The following LAMA2 variants were observed in gnomAD, a reference collection of about 807,000 sequenced individuals.
LAMA2 encodes the protein laminin subunit alpha-2.
LAMA2 carries 269 observed loss-of-function variants against 364.8 expected under a neutral mutation model. The ratio of observed to expected loss-of-function variants is 0.74; its 90% CI spans 0.67 to 0.82. The LOEUF (loss-of-function observed/expected upper bound fraction) is 0.82. LAMA2 is among the 40% of genes least tolerant of loss of function. The pLI is 0.00. For synonymous variants in LAMA2, 1,379 were observed against 1,370.6 expected (o/e 1.01, Z -0.14); for missense variants, 3,807 against 3,873.2 (o/e 0.98, Z 0.45).
intron 1 of LAMA2, among the ~76,000 whole-genome samples, chr6:129,039,344 C>G (rs966140009): frequency 6.6e-6 from 1 of 152,068 alleles, no homozygotes; most frequent in African/African-American, 2.4e-5. Context: ...TTCAAAATGC[C>G]TGCTATATTT....
At chr6:129,215,528 C>T (rs1273387295) in intron 12 of LAMA2, among the ~76,000 whole-genome samples, 1 of 152,000 alleles carries the variant, frequency 6.6e-6, no homozygotes, top group Admixed American at 6.6e-5. Flanking sequence ...AAGCCCAGCT[C>T]ATATCTATTT....
In LAMA2 at chr6:129,383,211, G is replaced by A; in HGVS notation, c.5049G>A (p.Lys1683=). The change falls in exon 35 of 65, where the codon AAG becomes AAA. Residue 1683 remains lysine (K), a synonymous_variant. Transcript: ENST00000421865. ...CAAAGTCCCTGGGAGAATTCATTAA[G>A]GAGCTTGCCCGGGATGCAGAAGGTA... ...TRAKSLGEFI[K]ELARDAEAVN... 2.5e-6 allele frequency: 4 copies of A among 1,613,372 alleles called. No homozygotes were observed. The highest frequency in any genetic ancestry group is 3.4e-6 in the Non-Finnish European group (4 of 1,179,618).
intron 17 of LAMA2, among the ~76,000 whole-genome samples, chr6:129,272,125 C>G (rs1229901348): frequency 6.6e-6 from 1 of 152,136 alleles, no homozygotes; most frequent in Admixed American, 6.6e-5. Flanking sequence ...AGGCCAAACA[C>G]TGTATTTGGT....
intron 12 of LAMA2, among the ~76,000 whole-genome samples, chr6:129,201,247 C>G (rs1052998442): frequency 6.6e-6 from 1 of 152,100 alleles, no homozygotes; most frequent in African/African-American, 2.4e-5. Context: ...CCAAACACAG[C>G]CTGGCCTTGC....
chr6:129,306,876 A>G (rs1243460821), intron 22 of LAMA2, among the ~76,000 whole-genome samples: 1 of 152,082 alleles, frequency 6.6e-6, no homozygotes, highest in African/African-American at 2.4e-5. Flanking sequence ...TATAATGTTT[A>G]TAAACATTAG....
chr6:129,290,689 C>T (rs1163041155), intron 19 of LAMA2, among the ~76,000 whole-genome samples: 1 of 151,956 alleles, frequency 6.6e-6, no homozygotes, highest in East Asian at 1.9e-4. Flanking sequence ...ATTATATGTA[C>T]CATTAAAAAT....
intron 1 of LAMA2, among the ~76,000 whole-genome samples, chr6:129,005,925 T>G (rs1019231121): frequency 1.3e-5 from 2 of 151,872 alleles, no homozygotes; most frequent in Non-Finnish European, 2.9e-5. Context: ...GTTTGGGTAA[T>G]TAATATTTTG....
At chr6:129,040,610 C>T (rs956084860) in intron 1 of LAMA2, among the ~76,000 whole-genome samples, 9 of 152,184 alleles carry the variant, frequency 5.9e-5, no homozygotes, top group Middle Eastern at 6.8e-3. Flanking sequence ...GCCTGGGCAA[C>T]AAGAGTGAGA....
intron 20 of LAMA2, among the ~76,000 whole-genome samples, chr6:129,297,209 A>G (rs1773239016): frequency 1.3e-5 from 2 of 152,218 alleles, no homozygotes; most frequent in South Asian, 2.1e-4. Context: ...ACAAAATTCT[A>G]TCAAATATTA....
chr6:128,883,483 G>A (rs1582593733), intron 1 of LAMA2, 126 bp downstream of exon 1: 8 of 1,470,398 alleles, frequency 5.4e-6, no homozygotes, highest in Non-Finnish European at 7.4e-6. Context: ...AGTGCGCTCT[G>A]GGGCAAGAGG....
intron 1 of LAMA2, among the ~76,000 whole-genome samples, chr6:128,988,076 G>A (rs1396179243): frequency 6.6e-6 from 1 of 152,138 alleles, no homozygotes; most frequent in Non-Finnish European, 1.5e-5. Flanking sequence ...ATGTTGGCCA[G>A]GCTGGTCTCG....
intron 1 of LAMA2, among the ~76,000 whole-genome samples, chr6:128,987,126 G>GT (rs377549921): frequency 0.019 from 2,291 of 120,570 alleles, 23 homozygotes; most frequent in African/African-American, 0.033. Flanking sequence ...AGGATAGTTT[G>GT]TTTTTTTTTT....
intron 41 of LAMA2, among the ~76,000 whole-genome samples, chr6:129,432,225 A>C (rs1247916646): frequency 2.6e-5 from 4 of 152,224 alleles, no homozygotes; most frequent in Non-Finnish European, 2.9e-5. Context: ...TCCCTCATAC[A>C]AAGTTTTGAT....
intron 1 of LAMA2, among the ~76,000 whole-genome samples, chr6:129,035,223 C>G (rs1786535111): frequency 6.6e-6 from 1 of 151,424 alleles, no homozygotes. Context: ...ATTTGCATCT[C>G]CCTGATGATT....
chr6:129,238,572 TGTGTGA>T lies in LAMA2; in HGVS notation c.1783-11538_1783-11533del, dbSNP rs762625556. Among the ~76,000 whole-genome samples the T allele has an allele frequency of 2.9e-3, 125 of 42,526 alleles. 1 individual carries two copies. The highest frequency in any genetic ancestry group is 4.3e-3 in the South Asian group (4 of 926). The allele number at this position is 42,526 out of a possible 152,430, so 27.9% of individuals were successfully genotyped here. A position where few individuals can be genotyped will look rare whatever the true frequency, so the allele number is the denominator to read the frequency against. On this transcript the variant is annotated intron_variant, in intron 12 of 64. Coordinates refer to ENST00000421865, the MANE Select transcript of LAMA2 (RefSeq NM_000426.4). Reference sequence around the variant, plus strand: ...GCGTGTTCATGTGTGTGTGTGTGTGTGTGTGAGAGAGAGAGAGAGAGAGAGAGAGAG... The same window carrying T: ...GCGTGTTCATGTGTGTGTGTGTGTGTGAGAGAGAGAGAGAGAGAGAGAGAG...
In LAMA2 at chr6:129,306,268, T is replaced by C. The variant is rs185901347; in HGVS notation, c.3174+5396T>C. ...TCCATTAACTACTTCCTAATCTTTA[T>C]CATTTTATTCCTGTTGTTTCAGGTC... is the stretch of plus-strand genomic sequence containing the variant. On this transcript the variant is annotated intron_variant, in intron 22 of 64. Coordinates refer to ENST00000421865, the MANE Select transcript of LAMA2 (RefSeq NM_000426.4). Among the ~76,000 whole-genome samples, 581 of 150,100 alleles carry C rather than the reference T, an allele frequency of 3.9e-3. 2 individuals carry two copies. Among genetic ancestry groups the C allele is most frequent in the African/African-American group, 0.013 (556 of 41,246 alleles).
At chr6:129,402,825 T>G (rs1385529688) in intron 39 of LAMA2, among the ~76,000 whole-genome samples, 1 of 152,232 alleles carries the variant, frequency 6.6e-6, no homozygotes, top group Non-Finnish European at 1.5e-5. Context: ...TGAAAATACA[T>G]TCTGTTTCAA....
chr6:129,230,669 T>C (rs1049952902), intron 12 of LAMA2, among the ~76,000 whole-genome samples: 3 of 152,098 alleles, frequency 2.0e-5, no homozygotes, highest in African/African-American at 4.8e-5. Context: ...TATGTGAGTT[T>C]AGTAATCATG....
At chr6:128,932,763 T>C (rs1446838991) in intron 1 of LAMA2, among the ~76,000 whole-genome samples, 1 of 152,204 alleles carries the variant, frequency 6.6e-6, no homozygotes, top group Non-Finnish European at 1.5e-5. Flanking sequence ...TACATATACA[T>C]TGTGAAATGA....
Sources: gnomAD v4.1 joint callset for allele counts (sites outside exome capture counted in the v4.1 genomes callset) on GRCh38, gnomAD v4.1.1 for gene constraint, MANE v1.5 for transcripts, NCBI Gene and HGNC (gene_info 2026-07-23, HGNC 2026-07-21) for gene names.